SRPK1: variants seen among roughly 807,000 people sequenced by gnomAD.
SRPK1 encodes SFRS protein kinase 1.
SRPK1 carries 52 observed loss-of-function variants against 89.5 expected under a neutral mutation model. The observed-to-expected ratio is 0.58, with a 90% CI of 0.46 to 0.73. The LOEUF is 0.73. Ranked by LOEUF, SRPK1 falls within the 30% of genes least tolerant of loss-of-function variation. The pLI is 0.00. For synonymous variants in SRPK1, 255 were observed against 270.2 expected (o/e 0.94, Z 0.55); for missense variants, 603 against 780.6 (o/e 0.77, Z 2.71).
chr6:35,846,119 A>G (rs1769421013), intron 13 of SRPK1, among the ~76,000 whole-genome samples: 1 of 152,172 alleles, frequency 6.6e-6, no homozygotes, highest in Non-Finnish European at 1.5e-5. Flanking sequence ...GTTTCAGTTT[A>G]GAAAGATAAA....
chr6:35,866,908 T>C (rs1582004695), intron 12 of SRPK1, among the ~76,000 whole-genome samples: 1 of 152,076 alleles, frequency 6.6e-6, no homozygotes, highest in African/African-American at 2.4e-5. Context: ...TTGAAACAAC[T>C]CAAAGAAAGG....
intron 2 of SRPK1, 33 bp downstream of exon 2, chr6:35,920,435 C>T (rs750698464): frequency 6.2e-7 from 1 of 1,610,932 alleles, no homozygotes; most frequent in East Asian, 2.2e-5. Flanking sequence ...GGAGGAAAAT[C>T]CAAAGAATGG....
At position 35,857,249 on chromosome 6, in the gene SRPK1, A is replaced by G; in HGVS notation, c.1620+12T>C. On this transcript the variant is annotated intron_variant, in intron 13 of 15. Coordinates refer to ENST00000373825, the MANE Select transcript of SRPK1 (RefSeq NM_003137.5). ...CACTTAACAAGTGAAAGCCAAGGGG[A>G]AAAAACATTACCATGCATGCCGTGC... 1 of 1,599,904 alleles carries G rather than the reference A, an allele frequency of 6.3e-7. No homozygotes were observed. Among genetic ancestry groups the G allele is most frequent in the Non-Finnish European group, 8.5e-7 (1 of 1,169,866 alleles).
intron 2 of SRPK1, among the ~76,000 whole-genome samples, chr6:35,907,248 C>T (rs115567798): frequency 2.0e-3 from 310 of 152,036 alleles, no homozygotes; most frequent in African/African-American, 7.3e-3. Flanking sequence ...TTTGTGGATC[C>T]TGATCCAAAG....
chr6:35,846,917 T>G (rs1447939450), intron 13 of SRPK1, among the ~76,000 whole-genome samples: 1 of 152,202 alleles, frequency 6.6e-6, no homozygotes, highest in Non-Finnish European at 1.5e-5. Flanking sequence ...GATCATCTTA[T>G]TAGATGGAGA....
At chr6:35,855,875 T>C (rs1769655012) in intron 13 of SRPK1, among the ~76,000 whole-genome samples, 1 of 152,300 alleles carries the variant, frequency 6.6e-6, no homozygotes, top group Admixed American at 6.5e-5. Flanking sequence ...GCTGGGATTA[T>C]AGGCATGCAC....
chr6:35,861,394 A>G (rs765037007), intron 12 of SRPK1, among the ~76,000 whole-genome samples: 1 of 152,344 alleles, frequency 6.6e-6, no homozygotes, highest in Middle Eastern at 3.4e-3. Flanking sequence ...AGAATCCCAC[A>G]GGCATCTGAG....
intron 8 of SRPK1, among the ~76,000 whole-genome samples, chr6:35,871,703 T>C (rs953401244): frequency 1.3e-5 from 2 of 152,120 alleles, no homozygotes; most frequent in Non-Finnish European, 2.9e-5. Context: ...AAAATCTGTA[T>C]CTCAAAAGAA....
intron 6 of SRPK1, among the ~76,000 whole-genome samples, chr6:35,879,565 A>T (rs1266302619): frequency 6.6e-6 from 1 of 152,098 alleles, no homozygotes; most frequent in Non-Finnish European, 1.5e-5. Flanking sequence ...TAAATAAATA[A>T]CAAACCCCAT....
At chr6:35,880,507 G>A (rs962870278) in intron 6 of SRPK1, among the ~76,000 whole-genome samples, 1 of 151,714 alleles carries the variant, frequency 6.6e-6, no homozygotes, top group Non-Finnish European at 1.5e-5. Flanking sequence ...TGGATCACTT[G>A]AGGTCAGGAG....
In SRPK1 at chr6:35,833,684, T is replaced by C. The variant is rs1328403341; in HGVS notation, c.*1620A>G. 6.6e-6 allele frequency: 1 copy of C among 152,656 alleles called. No homozygotes were observed. Among genetic ancestry groups the C allele is most frequent in the Non-Finnish European group, 1.5e-5 (1 of 68,046 alleles). The allele number at this position is 152,656 out of a possible 1,614,324, so 9.5% of individuals were successfully genotyped here. ...GGCCAGTTACTCAGAGTAATATGTT[T>C]ATGAGTTAAATGGATTGCATAACGG... On this transcript the variant is annotated 3_prime_UTR_variant, in exon 16 of 16. Transcript: ENST00000373825.
chr6:35,836,430 T>C (rs941813811), intron 15 of SRPK1, among the ~76,000 whole-genome samples: 11 of 152,130 alleles, frequency 7.2e-5, no homozygotes, highest in African/African-American at 2.7e-4. Context: ...GATAGTCAAT[T>C]ATTAATAGCT....
intron 6 of SRPK1, among the ~76,000 whole-genome samples, chr6:35,876,085 T>TA (rs34493292): frequency 0.45 from 34,690 of 76,956 alleles, 7,690 homozygotes; most frequent in East Asian, 0.54. Context: ...ATTCTTAAAT[T>TA]AAAAAAAAAA....
chr6:35,861,145 T>C (rs1292465554), intron 12 of SRPK1, among the ~76,000 whole-genome samples: 2 of 152,098 alleles, frequency 1.3e-5, no homozygotes, highest in Non-Finnish European at 1.5e-5. Context: ...TTTGAACAGA[T>C]TGTCCAGGAA....
At chr6:35,841,755 G>A (rs905129149) in intron 14 of SRPK1, among the ~76,000 whole-genome samples, 1 of 148,632 alleles carries the variant, frequency 6.7e-6, no homozygotes, top group Non-Finnish European at 1.5e-5. Flanking sequence ...TCGCTTGAAC[G>A]AGGGAAGTGG....
Position 35,846,143 on chromosome 6 carries a change from G to A in SRPK1, c.1621-3539C>T, listed in dbSNP as rs549731586. On this transcript the variant is annotated intron_variant, in intron 13 of 15. Transcript: ENST00000373825. ...TAGAAAGATAAAAAATTTCTAAAGA[G>A]GCCAGGTAGGGTGGCTTACACCTGT... is the stretch of plus-strand genomic sequence containing the variant. 2.9e-4 allele frequency among the ~76,000 whole-genome samples: 44 copies of A among 152,216 alleles called. No homozygotes were observed. In the South Asian group the frequency reaches 8.9e-3, roughly 31 times the overall value.
intron 13 of SRPK1, among the ~76,000 whole-genome samples, chr6:35,842,928 T>C (rs1400438205): frequency 1.3e-5 from 2 of 151,688 alleles, no homozygotes; most frequent in African/African-American, 2.4e-5. Flanking sequence ...CATACCTGGA[T>C]ATTAAGGTGA....
At chr6:35,891,601 G>A (rs372757413) in intron 2 of SRPK1, among the ~76,000 whole-genome samples, 156 of 151,816 alleles carry the variant, frequency 1.0e-3, no homozygotes, top group African/African-American at 3.6e-3. Context: ...GGCACCCCAC[G>A]CTGTAATCCC....
chr6:35,888,280 G>A (rs1770450290), intron 4 of SRPK1, among the ~76,000 whole-genome samples, 169 bp from the exon 5 acceptor site: 3 of 152,070 alleles, frequency 2.0e-5, no homozygotes, highest in South Asian at 4.1e-4. Flanking sequence ...ACACTAACTG[G>A]CCAGATTTCA....
Sources: allele counts gnomAD v4.1 joint callset (sites outside exome capture counted in the v4.1 genomes callset), GRCh38; gene constraint gnomAD v4.1.1; transcripts MANE v1.5; gene names NCBI Gene and HGNC (gene_info 2026-07-23, HGNC 2026-07-21).